The following ENTPD1 variants were observed in gnomAD, a reference collection of about 807,000 sequenced individuals.
ENTPD1 encodes ectonucleoside triphosphate diphosphohydrolase 1.
Under a neutral mutation model 57.0 loss-of-function variants are expected in ENTPD1, and 33 were observed. The observed-to-expected ratio is 0.58, with a 90% CI of 0.44 to 0.77. The LOEUF is 0.77. Ranked by LOEUF, ENTPD1 falls within the 30% of genes least tolerant of loss-of-function variation. The probability of loss-of-function intolerance (pLI) is 0.00; values close to 1 mark genes in which losing one functional copy is unlikely to be tolerated. For missense variants in ENTPD1, 501 were observed against 603.4 expected, an observed-to-expected ratio of 0.83 and a Z score of 1.78; for synonymous variants, 202 against 218.8, an observed-to-expected ratio of 0.92 and a Z score of 0.68.
rs374624208 is a variant in ENTPD1, at chr10:95,860,579, G to C, written c.1185G>C (p.Glu395Asp). The change falls in exon 8 of 10, where the codon GAG becomes GAC. Residue 395 changes from glutamate to aspartate, a missense_variant. Coordinates refer to ENST00000371205, the MANE Select transcript of ENTPD1 (RefSeq NM_001776.6). Reference protein sequence around the residue: ...MMKKFCAQPWEEIKTSYAGVK... With the variant: ...MMKKFCAQPWDEIKTSYAGVK... ...AAAAGTTCTGTGCTCAGCCTTGGGA[G>C]GAGGTAAGTGACTAGGCACAGCAGC... is the stretch of plus-strand genomic sequence containing the variant. The C allele has an allele frequency of 8.5e-5, 137 of 1,613,106 alleles. No individual in the cohort carries two copies. Among genetic ancestry groups the C allele is most frequent in the Non-Finnish European group, 8.6e-5 (101 of 1,179,326 alleles).
upstream of ENTPD1, chr10:95,753,180 A>G (rs1207928312): frequency 6.6e-6 from 1 of 152,188 alleles, no homozygotes; most frequent in East Asian, 1.9e-4. Context: ...TACAAAAAAA[A>G]ACAATAAAAT....
At chr10:95,864,253 T>C (rs1241316150) in intron 8 of ENTPD1, among the ~76,000 whole-genome samples, 1 of 152,190 alleles carries the variant, frequency 6.6e-6, no homozygotes, top group African/African-American at 2.4e-5. Context: ...GGGATGCAGA[T>C]TCTGAATTGG....
rs75507861 is a variant in ENTPD1 at position 95,850,693 on chromosome 10, C to T, written c.1074+2987C>T. 1.1e-3 allele frequency among the ~76,000 whole-genome samples: 166 copies of T among 152,288 alleles called. 2 individuals are homozygous for T. In the East Asian group the frequency reaches 0.029, roughly 27 times the overall value. ...GCACACCACTGTAAATAGCAAAAAG[C>T]GGGCATACCCCAGCACCACCCTTAA... is the stretch of plus-strand genomic sequence containing the variant. On this transcript the variant is annotated intron_variant, in intron 7 of 9. Transcript: ENST00000371205.
chr10:95,696,210 T>C, the ENTPD1 span, among the ~76,000 whole-genome samples: 1 of 152,212 alleles, frequency 6.6e-6, no homozygotes, highest in African/African-American at 2.4e-5. Flanking sequence ...TTTTTCTCTT[T>C]TGTTATAGTT....
At chr10:95,855,818 A>G (rs2098453627) in intron 7 of ENTPD1, among the ~76,000 whole-genome samples, 1 of 152,194 alleles carries the variant, frequency 6.6e-6, no homozygotes, top group South Asian at 2.1e-4. Flanking sequence ...TGTTAGTCTG[A>G]TGGGCTTCCC....
At chr10:95,814,545 C>T (rs1001562112) in intron 1 of ENTPD1, among the ~76,000 whole-genome samples, 1 of 135,840 alleles carries the variant, frequency 7.4e-6, no homozygotes. Flanking sequence ...GCAGGAAGAG[C>T]TTGTTCTGCA....
In ENTPD1 at chr10:95,864,641, T is replaced by A. The variant is rs1170025785; in HGVS notation, c.1189-83T>A. On this transcript the variant is annotated intron_variant, in intron 8 of 9. Coordinates refer to ENST00000371205, the MANE Select transcript of ENTPD1 (RefSeq NM_001776.6). ...ACTGGAGCTGGGGCTTTCCCCTCTC[T>A]TCATCAGGGCTAGTAGAGAAAAAGA... 15 of 1,589,802 alleles carry A rather than the reference T, an allele frequency of 9.4e-6. No homozygotes were observed. The Admixed American group carries it at 2.3e-4, about 25-fold the overall frequency.
intron 1 of ENTPD1, among the ~76,000 whole-genome samples, chr10:95,766,944 A>C (rs1485428012): frequency 6.6e-6 from 1 of 151,564 alleles, no homozygotes; most frequent in Non-Finnish European, 1.5e-5. Context: ...CAGTAGCATA[A>C]TCATAGCTCA....
Position 95,867,842 on chromosome 10 carries a change from T to A in ENTPD1, c.*1459T>A. On this transcript the variant is annotated 3_prime_UTR_variant, in exon 10 of 10. Coordinates refer to ENST00000371205, the MANE Select transcript of ENTPD1 (RefSeq NM_001776.6). Reference sequence around the variant, plus strand: ...AACCGGAAGCCAAATGTCCCCTATCTCTTGAATGATCAAGTCACTTTTGAC... The same window carrying A: ...AACCGGAAGCCAAATGTCCCCTATCACTTGAATGATCAAGTCACTTTTGAC... 4 of 985,446 alleles carry A rather than the reference T, an allele frequency of 4.1e-6. No individual in the cohort carries two copies. Among genetic ancestry groups the A allele is most frequent in the Non-Finnish European group, 4.8e-6 (4 of 829,934 alleles). 61.0% of individuals were successfully genotyped at this position (985,446 alleles called of 1,614,324 possible). A position where few individuals can be genotyped will look rare whatever the true frequency, so the allele number is the denominator to read the frequency against.
At chr10:95,741,091 A>G (rs925097868) in intron 1 of ENTPD1, among the ~76,000 whole-genome samples, 1 of 152,206 alleles carries the variant, frequency 6.6e-6, no homozygotes, top group African/African-American at 2.4e-5. Context: ...GTTTTCTGCA[A>G]GCAGCTTAGC....
At chr10:95,703,714 A>T in the ENTPD1 span, among the ~76,000 whole-genome samples, 3 of 146,912 alleles carry the variant, frequency 2.0e-5, no homozygotes, top group Admixed American at 6.9e-5. Context: ...CCCAGGAGGC[A>T]GAGATTGCAG....
At chr10:95,706,451 G>A in the ENTPD1 span, among the ~76,000 whole-genome samples, 1,749 of 152,262 alleles carry the variant, frequency 0.011, 19 homozygotes, top group Non-Finnish European at 0.014. Context: ...CAAGTGTTCA[G>A]CTCTCAGCAT....
intron 1 of ENTPD1, among the ~76,000 whole-genome samples, chr10:95,757,720 G>C (rs769903521): frequency 2.6e-5 from 4 of 151,934 alleles, no homozygotes; most frequent in Admixed American, 6.6e-5. Context: ...GTCTGGACTG[G>C]GGGGCTGGAT....
chr10:95,856,877 T>C (rs895939744), intron 7 of ENTPD1, among the ~76,000 whole-genome samples: 1 of 151,488 alleles, frequency 6.6e-6, no homozygotes, highest in Non-Finnish European at 1.5e-5. Flanking sequence ...CACTATTTTC[T>C]ATTACATATC....
chr10:95,846,713 C>T (rs117795525), intron 6 of ENTPD1, among the ~76,000 whole-genome samples: 3,472 of 152,108 alleles, frequency 0.023, 65 homozygotes, highest in South Asian at 0.08. Flanking sequence ...TTGGGCCAGG[C>T]GTGGTGGCTC....
At chr10:95,740,094 A>C (rs2097998821) in intron 1 of ENTPD1, among the ~76,000 whole-genome samples, 1 of 152,148 alleles carries the variant, frequency 6.6e-6, no homozygotes, top group South Asian at 2.1e-4. Context: ...AGGCTTTTTT[A>C]TTCCAGTTAC....
the ENTPD1 span, among the ~76,000 whole-genome samples, chr10:95,698,300 A>G: frequency 2.0e-5 from 3 of 152,254 alleles, no homozygotes; most frequent in Non-Finnish European, 4.4e-5. Flanking sequence ...AGAAGGAGCT[A>G]CATGATTACA....
the ENTPD1 span, among the ~76,000 whole-genome samples, chr10:95,701,421 CATT>C: frequency 1.3e-5 from 2 of 152,160 alleles, no homozygotes; most frequent in Non-Finnish European, 2.9e-5. Context: ...GATCTAAAGA[CATT>C]GTTTTAAAAT....
At chr10:95,786,558 GCAGCTCAGGACTGGTTCCCACCAAGC>G (rs1407233196) in intron 1 of ENTPD1, among the ~76,000 whole-genome samples, 1 of 152,160 alleles carries the variant, frequency 6.6e-6, no homozygotes, top group Admixed American at 6.5e-5. Flanking sequence ...AAGGAGGAAG[GCAGCTCAGGACTGGTTCCCACCAAGC>G]CAAGTGCAGT....
Sources: gnomAD v4.1 joint callset for allele counts (sites outside exome capture counted in the v4.1 genomes callset) on GRCh38, gnomAD v4.1.1 for gene constraint, MANE v1.5 for transcripts, NCBI Gene and HGNC (gene_info 2026-07-23, HGNC 2026-07-21) for gene names.